Variants in RAB3GAP2 observed in about 807,000 individuals in gnomAD.
RAB3GAP2 encodes RAB3 GTPase activating non-catalytic protein subunit 2.
RAB3GAP2 carries 87 observed loss-of-function variants against 185.3 expected under a neutral mutation model. The ratio of observed to expected loss-of-function variants is 0.47; its 90% CI spans 0.39 to 0.56. The LOEUF (loss-of-function observed/expected upper bound fraction) is 0.56, where lower values mean the gene tolerates loss of function less well. RAB3GAP2 is among the 20% of genes least tolerant of loss of function. The pLI, the probability that RAB3GAP2 is intolerant of heterozygous loss-of-function variation, is 0.00. For missense variants in RAB3GAP2, 1,492 were observed against 1,638.2 expected (o/e 0.91, Z 1.54); for synonymous variants, 554 against 576.1 (o/e 0.96, Z 0.55).
Position 220,208,936 on chromosome 1 carries a change from C to G in RAB3GAP2, c.612+1452G>C, listed in dbSNP as rs765030555. On this transcript the variant is annotated intron_variant, in intron 7 of 34. Coordinates refer to ENST00000358951, the MANE Select transcript of RAB3GAP2 (RefSeq NM_012414.4). ...TTCACCGTGTTACCCAGGCTGGTCTCAAACTCCTGAGCTCAGGCAATCCGC... is the reference window on the plus strand; with the variant it reads ...TTCACCGTGTTACCCAGGCTGGTCTGAAACTCCTGAGCTCAGGCAATCCGC... Among the ~76,000 whole-genome samples the G allele has an allele frequency of 2.0e-5, 3 of 152,326 alleles. No individual in the cohort carries two copies. The East Asian group carries it at 5.8e-4, about 29-fold the overall frequency.
chr1:220,182,456 A>G (rs1248015917), intron 20 of RAB3GAP2, 102 bp from the exon 21 acceptor site: 1 of 1,548,102 alleles, frequency 6.5e-7, no homozygotes, highest in Admixed American at 2.1e-5. Flanking sequence ...ACAAAACATT[A>G]TGAAGGAAGA....
intron 2 of RAB3GAP2, among the ~76,000 whole-genome samples, chr1:220,231,245 A>G (rs929335428): frequency 3.3e-5 from 5 of 152,140 alleles, no homozygotes; most frequent in African/African-American, 1.2e-4. Context: ...CAAACTCTCA[A>G]GCCCATTCCT....
At chr1:220,213,444 A>G (rs1013079937) in intron 3 of RAB3GAP2, among the ~76,000 whole-genome samples, 2 of 152,072 alleles carry the variant, frequency 1.3e-5, no homozygotes, top group African/African-American at 2.4e-5. Flanking sequence ...ACAAAAAATT[A>G]TGAGTTAAAA....
At chr1:220,203,287 C>T (rs371075921) in intron 8 of RAB3GAP2, among the ~76,000 whole-genome samples, 1 of 152,106 alleles carries the variant, frequency 6.6e-6, no homozygotes, top group East Asian at 1.9e-4. Flanking sequence ...CATGTACATC[C>T]CATGAAATCA....
chr1:220,181,098 G>A (rs1658396386), intron 21 of RAB3GAP2, among the ~76,000 whole-genome samples: 1 of 152,148 alleles, frequency 6.6e-6, no homozygotes, highest in Non-Finnish European at 1.5e-5. Flanking sequence ...CAGGAGATGT[G>A]CATAGGTTAC....
At chr1:220,203,226 C>A (rs1483079106) in intron 8 of RAB3GAP2, among the ~76,000 whole-genome samples, 1 of 152,166 alleles carries the variant, frequency 6.6e-6, no homozygotes, top group African/African-American at 2.4e-5. Context: ...AGTCCCTTCA[C>A]CTAGTGAGTA....
At chr1:220,162,525 T>A (rs1657982310) in intron 27 of RAB3GAP2, among the ~76,000 whole-genome samples, 2 of 152,280 alleles carry the variant, frequency 1.3e-5, no homozygotes, top group African/African-American at 4.8e-5. Flanking sequence ...TCATTAGTTA[T>A]GAGAGAAATA....
intron 1 of RAB3GAP2, chr1:220,254,309 C>A: frequency 1.2e-6 from 2 of 1,613,490 alleles, no homozygotes; most frequent in Non-Finnish European, 1.7e-6. Context: ...GAAATTCTTG[C>A]AGATCATCCC....
chr1:220,229,892 T>C (rs1028041834), intron 2 of RAB3GAP2, among the ~76,000 whole-genome samples: 9 of 152,236 alleles, frequency 5.9e-5, no homozygotes, highest in African/African-American at 1.9e-4. Flanking sequence ...ACGTTATTCA[T>C]AGTGGTAACT....
chr1:220,255,881 C>A (rs1270672748), intron 1 of RAB3GAP2, among the ~76,000 whole-genome samples: 7 of 152,246 alleles, frequency 4.6e-5, no homozygotes, highest in African/African-American at 1.7e-4. Context: ...AGGAGAACTT[C>A]CCCAATCTAG....
intron 1 of RAB3GAP2, among the ~76,000 whole-genome samples, chr1:220,264,174 C>G (rs1252972002): frequency 6.6e-6 from 1 of 151,782 alleles, no homozygotes; most frequent in Non-Finnish European, 1.5e-5. Flanking sequence ...ACAAAACTCT[C>G]TCTGCAAAAA....
Position 220,226,432 on chromosome 1 carries a change from TA to T in RAB3GAP2, c.180+6366del, listed in dbSNP as rs199540486. On this transcript the variant is annotated intron_variant, in intron 2 of 34. Transcript: ENST00000358951. ...CAACTAAAAGCCTTTATAATACTCT[TA>T]AAAAAAAAAAAACCAGCAAAGCTAT... Among the ~76,000 whole-genome samples, 299 of 143,296 alleles carry T rather than the reference TA, an allele frequency of 2.1e-3. 1 individual carries two copies. Among genetic ancestry groups the T allele is most frequent in the East Asian group, 8.2e-3 (41 of 4,978 alleles). 94.0% of individuals were successfully genotyped at this position (143,296 alleles called of 152,430 possible). A position where few individuals can be genotyped will look rare whatever the true frequency, so the allele number is the denominator to read the frequency against.
At chr1:220,176,765 C>A (rs995934902) in intron 21 of RAB3GAP2, among the ~76,000 whole-genome samples, 1 of 152,150 alleles carries the variant, frequency 6.6e-6, no homozygotes, top group Admixed American at 6.5e-5. Context: ...CCCCTCAGGG[C>A]CCCCTCACTG....
intron 4 of RAB3GAP2, among the ~76,000 whole-genome samples, chr1:220,211,634 G>A (rs189223199): frequency 6.6e-5 from 10 of 152,188 alleles, no homozygotes; most frequent in Admixed American, 5.9e-4. Flanking sequence ...TTTGTCAGGA[G>A]CTCAGAAACT....
At chr1:220,213,757 AT>A in intron 3 of RAB3GAP2, 98 bp downstream of exon 3, 7 of 1,262,110 alleles carry the variant, frequency 5.5e-6, no homozygotes, top group Non-Finnish European at 7.8e-6. Context: ...AGAGAGAGAA[AT>A]AAATAAATAA....
chr1:220,254,285 G>T lies in RAB3GAP2; in HGVS notation c.115+17938C>A, dbSNP rs1303888359. The T allele has an allele frequency of 7.4e-6, 12 of 1,613,412 alleles. No individual in the cohort carries two copies. The East Asian group carries it at 2.4e-4, about 33-fold the overall frequency. On this transcript the variant is annotated intron_variant, in intron 1 of 34. Transcript: ENST00000358951. ...ACCCAGCTACTCTATAAATTTGAGA[G>T]ACCACAGTATGCCGAAATTCTTGCA...
intron 1 of RAB3GAP2, among the ~76,000 whole-genome samples, chr1:220,262,645 C>A (rs930903442): frequency 2.6e-5 from 4 of 152,148 alleles, no homozygotes; most frequent in African/African-American, 9.7e-5. Flanking sequence ...TGTGACATTT[C>A]TTTGATTTTA....
chr1:220,181,101 T>C (rs917588126), intron 21 of RAB3GAP2, among the ~76,000 whole-genome samples: 8 of 152,328 alleles, frequency 5.3e-5, no homozygotes, highest in Middle Eastern at 3.4e-3. Flanking sequence ...GAGATGTGCA[T>C]AGGTTACATG....
At chr1:220,215,299 A>G (rs1412403304) in intron 2 of RAB3GAP2, among the ~76,000 whole-genome samples, 1 of 152,104 alleles carries the variant, frequency 6.6e-6, no homozygotes, top group Non-Finnish European at 1.5e-5. Flanking sequence ...ACTGTGCCCC[A>G]CACATGTTGT....
Sources: gnomAD v4.1 joint callset for allele counts (sites outside exome capture counted in the v4.1 genomes callset) on GRCh38, gnomAD v4.1.1 for gene constraint, MANE v1.5 for transcripts, NCBI Gene and HGNC (gene_info 2026-07-23, HGNC 2026-07-21) for gene names.